Variants in CDH13 observed in about 807,000 individuals in gnomAD.
CDH13 encodes the protein cadherin-13.
Under a neutral mutation model 63.8 loss-of-function variants are expected in CDH13, and 24 were observed. The ratio of observed to expected loss-of-function variants is 0.38; its 90% confidence interval spans 0.27 to 0.53. The LOEUF (loss-of-function observed/expected upper bound fraction) is 0.53, where lower values mean the gene tolerates loss of function less well. CDH13 is among the 20% of genes least tolerant of loss of function. CDH13 has a pLI of 0.85. For missense variants in CDH13, 1,049 were observed against 903.1 expected (o/e 1.16, Z -2.07); for synonymous variants, 503 against 355.3 (o/e 1.42, Z -4.67).
intron 5 of CDH13, among the ~76,000 whole-genome samples, chr16:83,296,178 C>T (rs1597688625): frequency 6.6e-6 from 1 of 152,176 alleles, no homozygotes; most frequent in East Asian, 1.9e-4. Context: ...CCATAATTTT[C>T]AGATACACTT....
chr16:83,334,831 GTAGA>G (rs2090558824), intron 5 of CDH13, among the ~76,000 whole-genome samples: 1 of 151,808 alleles, frequency 6.6e-6, no homozygotes, highest in South Asian at 2.1e-4. Flanking sequence ...GAAAGGATAT[GTAGA>G]TAGAGTACTC....
intron 6 of CDH13, among the ~76,000 whole-genome samples, chr16:83,386,342 G>A (rs1597891355): frequency 6.6e-6 from 1 of 152,274 alleles, no homozygotes; most frequent in South Asian, 2.1e-4. Flanking sequence ...CCAGGATGCT[G>A]GAATGTTGGG....
At chr16:82,865,057 C>G (rs553870332) in intron 2 of CDH13, among the ~76,000 whole-genome samples, 72 of 152,340 alleles carry the variant, frequency 4.7e-4, no homozygotes, top group African/African-American at 1.6e-3. Flanking sequence ...CTCTGTGTCT[C>G]ACATACAGGT....
At chr16:83,073,367 G>GAGAA (rs1330226903) in intron 3 of CDH13, among the ~76,000 whole-genome samples, 237 of 140,012 alleles carry the variant, frequency 1.7e-3, no homozygotes, top group African/African-American at 5.9e-3. Flanking sequence ...GAGAGAGAGA[G>GAGAA]AGAGAGAGAG....
At chr16:83,504,963 C>G (rs537994122) in intron 7 of CDH13, among the ~76,000 whole-genome samples, 4 of 152,222 alleles carry the variant, frequency 2.6e-5, no homozygotes, top group African/African-American at 9.6e-5. Flanking sequence ...TTTAAATCTC[C>G]TTTCTCTGTA....
chr16:83,317,936 C>G (rs1384778220), intron 5 of CDH13, among the ~76,000 whole-genome samples: 1 of 152,138 alleles, frequency 6.6e-6, no homozygotes, highest in East Asian at 1.9e-4. Flanking sequence ...GACTAGCACC[C>G]AAGTTTTACT....
intron 7 of CDH13, among the ~76,000 whole-genome samples, chr16:83,522,975 G>C (rs1383869326): frequency 1.3e-5 from 2 of 152,150 alleles, no homozygotes; most frequent in Non-Finnish European, 2.9e-5. Flanking sequence ...CCTCTGCCTA[G>C]AACTTTCTTC....
chr16:83,328,703 T>C (rs557818942), intron 5 of CDH13, among the ~76,000 whole-genome samples: 1 of 151,770 alleles, frequency 6.6e-6, no homozygotes, highest in Non-Finnish European at 1.5e-5. Context: ...GCTGATGGAG[T>C]GGATGTGTAT....
At chr16:83,777,034 A>T (rs1048585881) in intron 11 of CDH13, among the ~76,000 whole-genome samples, 3 of 151,966 alleles carry the variant, frequency 2.0e-5, no homozygotes, top group African/African-American at 4.8e-5. Flanking sequence ...TTCCCACTGC[A>T]CTCTGCTCTT....
chr16:83,764,347 G>A (rs1238188147), intron 11 of CDH13, among the ~76,000 whole-genome samples: 1 of 152,182 alleles, frequency 6.6e-6, no homozygotes, highest in Non-Finnish European at 1.5e-5. Flanking sequence ...CTGGCTGAAT[G>A]GGCAGGTGGA....
chr16:83,445,985 C>T (rs1598039526), intron 6 of CDH13, among the ~76,000 whole-genome samples: 1 of 152,066 alleles, frequency 6.6e-6, no homozygotes, highest in Non-Finnish European at 1.5e-5. Flanking sequence ...CCCCATCAAA[C>T]TTTTTTATTG....
intron 4 of CDH13, among the ~76,000 whole-genome samples, chr16:83,146,158 C>T (rs1219743144): frequency 6.9e-6 from 1 of 144,076 alleles, no homozygotes; most frequent in Non-Finnish European, 1.5e-5. Context: ...TGTGCCACTG[C>T]ACTCCAGCCT....
At chr16:83,184,909 G>A (rs960600206) in intron 4 of CDH13, among the ~76,000 whole-genome samples, 7 of 133,808 alleles carry the variant, frequency 5.2e-5, no homozygotes, top group East Asian at 3.9e-4. Context: ...GTGTGTGTGC[G>A]TGTGTGTGTG....
chr16:83,476,466 A>G (rs2073607977), intron 6 of CDH13, among the ~76,000 whole-genome samples: 1 of 152,220 alleles, frequency 6.6e-6, no homozygotes, highest in Non-Finnish European at 1.5e-5. Context: ...CGAGGTCGGG[A>G]GTTTGAGACC....
intron 5 of CDH13, among the ~76,000 whole-genome samples, chr16:83,266,282 A>G (rs1907615023): frequency 6.6e-6 from 1 of 152,182 alleles, no homozygotes; most frequent in Non-Finnish European, 1.5e-5. Context: ...CAATACCATT[A>G]CTACCCAAGA....
intron 1 of CDH13, chr16:82,824,538 C>G (rs1357788149): frequency 6.6e-6 from 1 of 152,138 alleles, no homozygotes; most frequent in Non-Finnish European, 1.5e-5. Context: ...AAGTTCACAA[C>G]GCCATCTAGT....
intron 3 of CDH13, among the ~76,000 whole-genome samples, chr16:83,111,492 A>T (rs2035057240): frequency 6.6e-6 from 1 of 152,226 alleles, no homozygotes; most frequent in African/African-American, 2.4e-5. Flanking sequence ...GAGGATTTGC[A>T]AGTCGATCAT....
chr16:83,255,608 A>G (rs1376529799), intron 5 of CDH13, among the ~76,000 whole-genome samples: 1 of 152,164 alleles, frequency 6.6e-6, no homozygotes, highest in Non-Finnish European at 1.5e-5. Flanking sequence ...TCAATGTCTC[A>G]TTTAACTTTT....
chr16:82,633,418 C>A (rs1404674989), intron 1 of CDH13, among the ~76,000 whole-genome samples: 1 of 152,228 alleles, frequency 6.6e-6, no homozygotes, highest in African/African-American at 2.4e-5. Context: ...CTTGCTTTGT[C>A]ACCCAAGCCG....
Sources: gnomAD v4.1 joint callset for allele counts (sites outside exome capture counted in the v4.1 genomes callset) on GRCh38, gnomAD v4.1.1 for gene constraint, MANE v1.5 for transcripts, NCBI Gene and HGNC (gene_info 2026-07-23, HGNC 2026-07-21) for gene names.